SELENOO: variants seen among roughly 807,000 people sequenced by gnomAD.
SELENOO encodes selenoprotein O.
In SELENOO, 74 loss-of-function variants were observed where a neutral mutation model predicts 58.7. The ratio of observed to expected loss-of-function variants is 1.26; its 90% confidence interval spans 1.04 to 1.53. The LOEUF is 1.53. SELENOO is among the 40% of genes most tolerant of loss of function. The pLI is 0.00. For synonymous variants in SELENOO, 543 were observed against 453.2 expected (o/e 1.20, Z -2.52); for missense variants, 1,149 against 970.0 (o/e 1.18, Z -2.45).
At position 50,215,861 on chromosome 22, in the gene SELENOO, A is replaced by T; in HGVS notation, c.1496A>T (p.Asp499Val). Residue 499 changes from aspartate to valine, a missense_variant, in exon 6 of 9, where the codon GAT becomes GTT. Transcript: ENST00000380903. ...AGGCTGGCCTTCCGGCCCCAGATGGATCCCCGGTGGGTACTCAGTTCCTAC... is the reference window on the plus strand; with the variant it reads ...AGGCTGGCCTTCCGGCCCCAGATGGTTCCCCGGTGGGTACTCAGTTCCTAC... ...ELRLAFRPQMDPRQLSMMLML... is the reference protein window; with the variant it reads ...ELRLAFRPQMVPRQLSMMLML... 1 of 1,606,794 alleles carries T rather than the reference A, an allele frequency of 6.2e-7. No homozygotes were observed. The highest frequency in any genetic ancestry group is 8.5e-7 in the Non-Finnish European group (1 of 1,174,958).
Position 50,217,093 on chromosome 22 carries a change from G to A in SELENOO, c.1810G>A (p.Ala604Thr). 6.2e-7 allele frequency: 1 copy of A among 1,612,974 alleles called. No individual in the cohort carries two copies. The highest frequency in any genetic ancestry group is 8.5e-7 in the Non-Finnish European group (1 of 1,179,922). The change falls in exon 8 of 9, where the codon GCC becomes ACC. Residue 604 changes from alanine (A) to threonine (T), a missense_variant. Ala to Thr is a moderately conservative substitution (Grantham distance 58). Transcript: ENST00000380903. ...YVLRNYIAQN[A>T]IEAAERGDFS... The stretch of plus-strand genomic sequence containing the variant: ...GCTGAGGAACTACATCGCGCAGAAT[G>A]CCATCGAGGCTGCCGAGCGCGGGGA...
At position 50,201,290 on chromosome 22, in the gene SELENOO, T is replaced by G; in HGVS notation, c.254T>G (p.Val85Gly). The change falls in exon 1 of 9, where the codon GTG (valine) becomes GGG (glycine). Residue 85 changes from valine (V) to glycine (G), a missense_variant. Coordinates refer to ENST00000380903, the MANE Select transcript of SELENOO (RefSeq NM_031454.2). ...GTGCCCGGGGCCTGCTTCACCCGCG[T>G]GCAGCCCACCCCGCTGCGGCAGCCG... ...RPVPGACFTR[V>G]QPTPLRQPRL... is the part of the protein sequence containing the mutation. 9.2e-7 allele frequency: 1 copy of G among 1,087,736 alleles called. No individual in the cohort carries two copies. Among genetic ancestry groups the G allele is most frequent in the Non-Finnish European group, 1.1e-6 (1 of 898,998 alleles). The allele number at this position is 1,087,736 out of a possible 1,614,324, so 67.4% of individuals were successfully genotyped here.
chr22:50,210,799 G>T lies in SELENOO; in HGVS notation c.1239G>T (p.Glu413Asp). ...TCCTGGCCGAGGAGTTTGACGCCGA[G>T]TTCCAAAGGCACTACCTGCAGAAGA... Reference protein sequence around the residue: ...EAILAEEFDAEFQRHYLQKMR... With the variant: ...EAILAEEFDADFQRHYLQKMR... Residue 413 changes from glutamate to aspartate, a missense_variant, in exon 5 of 9, where the codon GAG (glutamate) becomes GAT (aspartate). Glu to Asp is a conservative substitution (Grantham distance 45, BLOSUM62 2). Transcript: ENST00000380903. The T allele has an allele frequency of 6.2e-7, 1 of 1,613,998 alleles. No homozygotes were observed. Among genetic ancestry groups the T allele is most frequent in the Non-Finnish European group, 8.5e-7 (1 of 1,180,028 alleles).
rs371668486 is a variant in SELENOO at position 50,206,326 on chromosome 22, C to T, written c.564C>T (p.Asp188=). Reference sequence around the variant, plus strand: ...CTGTGTTTGGTTTCAGACAGGCCGACGGTCGCAAGGTCCTACGGTCAAGCA... The same window carrying T: ...CTGTGTTTGGTTTCAGACAGGCCGATGGTCGCAAGGTCCTACGGTCAAGCA... ...AGPTPFSRQA[D]GRKVLRSSIR... The change falls in exon 2 of 9, where the codon GAC becomes GAT. Residue 188 remains aspartate, a synonymous_variant. Transcript: ENST00000380903. 2.7e-5 allele frequency: 44 copies of T among 1,613,574 alleles called. No individual in the cohort carries two copies. The highest frequency in any genetic ancestry group is 6.7e-5 in the African/African-American group (5 of 74,900).
chr22:50,212,138 G>A (rs1187685689), intron 5 of SELENOO, among the ~76,000 whole-genome samples: 1 of 152,220 alleles, frequency 6.6e-6, no homozygotes, highest in Non-Finnish European at 1.5e-5. Context: ...TCAAGGTGGT[G>A]CTGGCCTCAG....
At chr22:50,207,611 A>G (rs1484907350) in intron 2 of SELENOO, among the ~76,000 whole-genome samples, 2 of 151,124 alleles carry the variant, frequency 1.3e-5, no homozygotes, top group African/African-American at 4.9e-5. Context: ...ATCTGGGGCC[A>G]CGACTTCCTC....
At chr22:50,212,116 T>C (rs760113381) in intron 5 of SELENOO, among the ~76,000 whole-genome samples, 2 of 152,210 alleles carry the variant, frequency 1.3e-5, no homozygotes, top group Non-Finnish European at 2.9e-5. Context: ...TAGTGTCTGT[T>C]TGGCTTTGAT....
At position 50,201,192 on chromosome 22, in the gene SELENOO, C is replaced by CCGCGCCCTG; in HGVS notation, c.167_175dup (p.Arg56_Leu58dup). ...GGCTGGCGGGGCTGCGCTTCGACAA[C>CCGCGCCCTG]CGCGCCCTGCGCGCCCTGCCCGTGG... On this transcript the variant is annotated inframe_insertion, in exon 1 of 9. Coordinates refer to ENST00000380903, the MANE Select transcript of SELENOO (RefSeq NM_031454.2). 8.3e-7 allele frequency: 1 copy of CCGCGCCCTG among 1,209,896 alleles called. No homozygotes were observed. Among genetic ancestry groups the CCGCGCCCTG allele is most frequent in the Non-Finnish European group, 1.0e-6 (1 of 974,136 alleles). The allele number at this position is 1,209,896 out of a possible 1,614,324, so 74.9% of individuals were successfully genotyped here. A position where few individuals can be genotyped will look rare whatever the true frequency, so the allele number is the denominator to read the frequency against.
chr22:50,213,330 T>C (rs2064384829), intron 5 of SELENOO, among the ~76,000 whole-genome samples: 1 of 152,202 alleles, frequency 6.6e-6, no homozygotes, highest in South Asian at 2.1e-4. Flanking sequence ...GTGCTGGGAT[T>C]CTGGGGATGA....
chr22:50,209,130 A>G (rs2064351743), intron 3 of SELENOO: 1 of 167,324 alleles, frequency 6.0e-6, no homozygotes, highest in East Asian at 1.8e-4. Flanking sequence ...CCCCACGGAC[A>G]CCACAGACGT....
chr22:50,208,712 G>A lies in SELENOO; in HGVS notation c.935G>A (p.Arg312Gln), dbSNP rs780144198. ...GTGCAGAGAAATGCTGCCTTCTTCC[G>A]GGAGGTCAGTGGGCCGCACGCCACC... ...DSVQRNAAFF[R>Q]EVTRRTARMV... The change falls in exon 3 of 9, where the codon CGG (arginine) becomes CAG (glutamine). Residue 312 changes from arginine (R) to glutamine (Q), a missense_variant. Transcript: ENST00000380903. 65 of 1,611,490 alleles carry A rather than the reference G, an allele frequency of 4.0e-5. No homozygotes were observed. The highest frequency in any genetic ancestry group is 6.7e-5 in the African/African-American group (5 of 74,910).
intron 2 of SELENOO, among the ~76,000 whole-genome samples, chr22:50,207,918 G>A (rs2272849): frequency 1.4e-5 from 2 of 147,596 alleles, no homozygotes; most frequent in East Asian, 2.1e-4. Context: ...AACACTCCTC[G>A]TGGGGTTGGG....
intron 5 of SELENOO, among the ~76,000 whole-genome samples, 191 bp downstream of exon 5, chr22:50,211,102 G>C (rs545380161): frequency 6.6e-6 from 1 of 152,116 alleles, no homozygotes; most frequent in African/African-American, 2.4e-5. Context: ...GGAGTCATAC[G>C]GTGCTTGTTC....
At chr22:50,212,311 C>T (rs976390992) in intron 5 of SELENOO, among the ~76,000 whole-genome samples, 2 of 152,186 alleles carry the variant, frequency 1.3e-5, no homozygotes, top group Non-Finnish European at 2.9e-5. Flanking sequence ...AGTCTCCTTG[C>T]TTGCCTTACC....
At chr22:50,204,855 C>T (rs5771099) in intron 1 of SELENOO, among the ~76,000 whole-genome samples, 1 of 152,242 alleles carries the variant, frequency 6.6e-6, no homozygotes, top group Non-Finnish European at 1.5e-5. Context: ...GAACAAGTGT[C>T]TATCAGCAGG....
intron 6 of SELENOO, among the ~76,000 whole-genome samples, chr22:50,216,235 C>G (rs113451693): frequency 6.6e-6 from 1 of 152,192 alleles, no homozygotes; most frequent in South Asian, 2.1e-4. Context: ...CAGGATGAGA[C>G]GTGGAAAATA....
rs1358935334 is a variant in SELENOO, at chr22:50,210,836, C to CTGGGCCTCGTGCA, written c.1277_1289dup (p.Gln430HisfsTer132). 1.9e-6 allele frequency: 3 copies of CTGGGCCTCGTGCA among 1,614,132 alleles called. No homozygotes were observed. In the East Asian group the frequency reaches 6.7e-5, roughly 36 times the overall value. Reference sequence around the variant, plus strand: ...CTACCTGCAGAAGATGCGCAGGAAGCTGGGCCTCGTGCAGGTGGAGCTGGA... The same window carrying CTGGGCCTCGTGCA: ...CTACCTGCAGAAGATGCGCAGGAAGCTGGGCCTCGTGCATGGGCCTCGTGCAGGTGGAGCTGGA... On this transcript the variant is annotated frameshift_variant, in exon 5 of 9. Coordinates refer to ENST00000380903, the MANE Select transcript of SELENOO (RefSeq NM_031454.2). LOFTEE classifies it high-confidence loss of function.
In SELENOO at chr22:50,217,523, A is replaced by C; in HGVS notation, c.*154A>C. 2 of 1,085,422 alleles carry C rather than the reference A, an allele frequency of 1.8e-6. No individual in the cohort carries two copies. The highest frequency in any genetic ancestry group is 2.6e-6 in the Non-Finnish European group (2 of 762,124). 67.2% of individuals were successfully genotyped at this position (1,085,422 alleles called of 1,614,324 possible). A position where few individuals can be genotyped will look rare whatever the true frequency, so the allele number is the denominator to read the frequency against. ...ATGATGGCAGAGACATCCAGTCAGG[A>C]CCTGACCCGTCTCTGTCTGAGGCCG... On this transcript the variant is annotated 3_prime_UTR_variant, in exon 9 of 9. Coordinates refer to ENST00000380903, the MANE Select transcript of SELENOO (RefSeq NM_031454.2).
intron 2 of SELENOO, among the ~76,000 whole-genome samples, chr22:50,207,124 CTCTTT>C (rs2064338138): frequency 6.6e-6 from 1 of 152,084 alleles, no homozygotes; most frequent in African/African-American, 2.4e-5. Flanking sequence ...GTTATCAGTT[CTCTTT>C]TCTTTTTTTT....
Sources: allele counts gnomAD v4.1 joint callset (sites outside exome capture counted in the v4.1 genomes callset), GRCh38; gene constraint gnomAD v4.1.1; transcripts MANE v1.5; gene names NCBI Gene and HGNC (gene_info 2026-07-23, HGNC 2026-07-21).